APPBP2: variants seen among roughly 807,000 people sequenced by gnomAD.
The protein encoded by APPBP2 is amyloid beta precursor protein binding protein 2.
Under a neutral mutation model 76.0 loss-of-function variants are expected in APPBP2, and 15 were observed. The observed-to-expected ratio is 0.20, with a 90% CI of 0.13 to 0.30. The LOEUF (loss-of-function observed/expected upper bound fraction) is 0.30. Ranked by LOEUF, APPBP2 falls within the 10% of genes least tolerant of loss-of-function variation. APPBP2 has a pLI of 1.00. For missense variants in APPBP2, 401 were observed against 687.2 expected, an observed-to-expected ratio of 0.58 and a Z score of 4.66; for synonymous variants, 222 against 242.2, an observed-to-expected ratio of 0.92 and a Z score of 0.77.
chr17:60,516,992 CTGAG>C (rs1453722251), intron 1 of APPBP2, among the ~76,000 whole-genome samples: 2 of 152,036 alleles, frequency 1.3e-5, no homozygotes, highest in African/African-American at 2.4e-5. Flanking sequence ...AAACAAAAAA[CTGAG>C]TATTTTTCTC....
At chr17:60,475,384 C>A (rs951688345) in intron 4 of APPBP2, among the ~76,000 whole-genome samples, 1 of 152,276 alleles carries the variant, frequency 6.6e-6, no homozygotes, top group East Asian at 1.9e-4. Flanking sequence ...GGATTACAGG[C>A]ATGAGGTACC....
Position 60,461,983 on chromosome 17 carries a change from T to TA in APPBP2, c.830+10dup. The TA allele has an allele frequency of 6.2e-7, 1 of 1,611,558 alleles. No individual in the cohort carries two copies. The highest frequency in any genetic ancestry group is 2.2e-5 in the East Asian group (1 of 44,758). ...CAATTTAAAAGGATATTTTTAATAA[T>TA]AATCACCTACCGTGCCAAATACACT... On this transcript the variant is annotated intron_variant, in intron 7 of 12. Transcript: ENST00000083182.
intron 1 of APPBP2, among the ~76,000 whole-genome samples, chr17:60,511,936 T>C (rs573631591): frequency 6.6e-6 from 1 of 152,240 alleles, no homozygotes; most frequent in South Asian, 2.1e-4. Flanking sequence ...AGAACTGTTC[T>C]GGGGATTCTG....
intron 4 of APPBP2, among the ~76,000 whole-genome samples, chr17:60,470,393 G>T (rs1160434542): frequency 6.6e-6 from 1 of 151,770 alleles, no homozygotes; most frequent in Non-Finnish European, 1.5e-5. Flanking sequence ...CTACGTAGCT[G>T]AGACGACAGG....
chr17:60,513,438 C>T (rs981156433), intron 1 of APPBP2: 3 of 643,606 alleles, frequency 4.7e-6, no homozygotes, highest in East Asian at 5.8e-5. Flanking sequence ...TGACAGATAA[C>T]TTGTGGTTTT....
chr17:60,501,738 G>A (rs1327825635), intron 1 of APPBP2, among the ~76,000 whole-genome samples: 2 of 152,124 alleles, frequency 1.3e-5, no homozygotes, highest in African/African-American at 4.8e-5. Context: ...CTCAGTTGAT[G>A]AGAACATGGG....
intron 5 of APPBP2, 117 bp downstream of exon 5, chr17:60,466,174 A>T: frequency 5.9e-6 from 6 of 1,019,396 alleles, no homozygotes; most frequent in Non-Finnish European, 8.5e-6. Flanking sequence ...GTACTGCCTT[A>T]TATAAACCTA....
chr17:60,499,709 A>C (rs1486724886), intron 2 of APPBP2, among the ~76,000 whole-genome samples: 1 of 152,254 alleles, frequency 6.6e-6, no homozygotes, highest in Non-Finnish European at 1.5e-5. Flanking sequence ...TGGTATATGC[A>C]CACAATGGAA....
intron 8 of APPBP2, 136 bp from the exon 9 acceptor site, chr17:60,460,923 T>A: frequency 1.2e-6 from 1 of 824,008 alleles, no homozygotes; most frequent in Non-Finnish European, 1.7e-6. Flanking sequence ...CTGCTGTATT[T>A]AAATTACAGA....
chr17:60,493,594 A>T (rs897398956), intron 3 of APPBP2, among the ~76,000 whole-genome samples: 1 of 149,904 alleles, frequency 6.7e-6, no homozygotes, highest in African/African-American at 2.5e-5. Flanking sequence ...TCAGCCTTCT[A>T]AAGTGCTAGA....
intron 1 of APPBP2, among the ~76,000 whole-genome samples, chr17:60,512,511 CTTATT>C (rs1435090057): frequency 6.6e-6 from 1 of 151,856 alleles, no homozygotes; most frequent in Admixed American, 6.6e-5. Flanking sequence ...TGGCTTTTTA[CTTATT>C]TTAACAGTAC....
At chr17:60,518,351 G>C (rs1335107159) in intron 1 of APPBP2, among the ~76,000 whole-genome samples, 3 of 110,928 alleles carry the variant, frequency 2.7e-5, no homozygotes, top group African/African-American at 2.4e-4. Flanking sequence ...CCAGCCGTGT[G>C]TGCGTGCGTG....
intron 3 of APPBP2, among the ~76,000 whole-genome samples, chr17:60,488,762 CTTCCT>C (rs2090701932): frequency 6.6e-6 from 1 of 152,074 alleles, no homozygotes; most frequent in Non-Finnish European, 1.5e-5. Context: ...GAACACTAGT[CTTCCT>C]TTCATCTTCT....
At chr17:60,490,521 T>C (rs1050940180) in intron 3 of APPBP2, among the ~76,000 whole-genome samples, 17 of 152,058 alleles carry the variant, frequency 1.1e-4, no homozygotes, top group Non-Finnish European at 2.4e-4. Flanking sequence ...AAATAAAAAT[T>C]AGCTGTGTAT....
At chr17:60,458,309 C>G (rs371250929) in intron 9 of APPBP2, among the ~76,000 whole-genome samples, 2 of 151,992 alleles carry the variant, frequency 1.3e-5, no homozygotes, top group South Asian at 4.1e-4. Context: ...TGGCGTGTGC[C>G]TGTAATTCCA....
intron 4 of APPBP2, among the ~76,000 whole-genome samples, chr17:60,475,826 T>C (rs2090586919): frequency 6.6e-6 from 1 of 152,228 alleles, no homozygotes; most frequent in East Asian, 1.9e-4. Flanking sequence ...AAAAAGTAAG[T>C]TTGTTCTGCC....
intron 1 of APPBP2, among the ~76,000 whole-genome samples, chr17:60,500,954 G>T (rs1197440442): frequency 2.0e-5 from 3 of 152,142 alleles, no homozygotes; most frequent in Non-Finnish European, 4.4e-5. Context: ...AGTAATACAG[G>T]ATGGCAGGAT....
chr17:60,519,878 G>C (rs889572037), intron 1 of APPBP2, among the ~76,000 whole-genome samples: 1 of 150,710 alleles, frequency 6.6e-6, no homozygotes, highest in East Asian at 2.0e-4. Flanking sequence ...CAGCCTCCTG[G>C]GCTCAAGCAA....
At chr17:60,511,562 C>CT (rs2090913495) in intron 1 of APPBP2, among the ~76,000 whole-genome samples, 1 of 145,566 alleles carries the variant, frequency 6.9e-6, no homozygotes, top group African/African-American at 2.6e-5. Context: ...TCCAGCCTGG[C>CT]GACAGAGCAA....
Sources: gnomAD v4.1 joint callset for allele counts (sites outside exome capture counted in the v4.1 genomes callset) on GRCh38, gnomAD v4.1.1 for gene constraint, MANE v1.5 for transcripts, NCBI Gene and HGNC (gene_info 2026-07-23, HGNC 2026-07-21) for gene names.